Variants in NKAIN3 observed in about 807,000 individuals in gnomAD.
The protein encoded by NKAIN3 is sodium/potassium transporting ATPase interacting 3.
Under a neutral mutation model 30.2 loss-of-function variants are expected in NKAIN3, and 25 were observed. The observed-to-expected ratio is 0.83, with a 90% CI of 0.60 to 1.16. NKAIN3 has a LOEUF of 1.16. Ranked by LOEUF, NKAIN3 falls within the 50% of genes most tolerant of loss-of-function variation. NKAIN3 has a pLI of 0.00. For synonymous variants in NKAIN3, 91 were observed against 89.6 expected (o/e 1.02, Z -0.09); for missense variants, 225 against 254.1 (o/e 0.89, Z 0.78).
chr8:62,254,884 C>T (rs6983788), intron 1 of NKAIN3, among the ~76,000 whole-genome samples: 94,087 of 152,008 alleles, frequency 0.62, 29,252 homozygotes, highest in East Asian at 0.68. Context: ...TTAATACAGT[C>T]AACATGGATT....
intron 3 of NKAIN3, among the ~76,000 whole-genome samples, chr8:62,679,648 C>T (rs1285490850): frequency 6.6e-6 from 1 of 152,138 alleles, no homozygotes; most frequent in Admixed American, 6.5e-5. Context: ...GAAGCAGACA[C>T]ATCTTACATG....
At chr8:62,933,808 A>G (rs1822695634) in intron 5 of NKAIN3, among the ~76,000 whole-genome samples, 1 of 152,188 alleles carries the variant, frequency 6.6e-6, no homozygotes, top group African/African-American at 2.4e-5. Flanking sequence ...ATTTTTTCCA[A>G]TCTTATTTTC....
intron 4 of NKAIN3, among the ~76,000 whole-genome samples, chr8:62,758,161 G>A (rs1479144525): frequency 5.3e-5 from 8 of 151,908 alleles, no homozygotes; most frequent in Non-Finnish European, 7.4e-5. Context: ...TAAAATTCCT[G>A]AGAAACTTTG....
chr8:62,316,283 A>ATT (rs1196664429), intron 1 of NKAIN3, among the ~76,000 whole-genome samples: 2 of 151,370 alleles, frequency 1.3e-5, no homozygotes, highest in Non-Finnish European at 3.0e-5. Flanking sequence ...AGCATTTTGG[A>ATT]TTTTTTTTTA....
At chr8:62,933,415 AAATAAG>A (rs74274923) in intron 5 of NKAIN3, among the ~76,000 whole-genome samples, 13,661 of 152,226 alleles carry the variant, frequency 0.09, 632 homozygotes, top group South Asian at 0.15. Flanking sequence ...GGCTACACTT[AAATAAG>A]AATGATTAAA....
intron 1 of NKAIN3, among the ~76,000 whole-genome samples, chr8:62,535,161 C>CT (rs1220704178): frequency 6.6e-6 from 1 of 152,132 alleles, no homozygotes; most frequent in Non-Finnish European, 1.5e-5. Flanking sequence ...AATTCGTACA[C>CT]TATTTGTCTC....
At chr8:62,344,907 A>C (rs938778538) in intron 1 of NKAIN3, 15 of 399,442 alleles carry the variant, frequency 3.8e-5, no homozygotes, top group Non-Finnish European at 5.9e-5. Context: ...TAGCTTGGAA[A>C]TTTTAACAAT....
At chr8:62,897,052 GGAAA>G (rs1821449612) in intron 4 of NKAIN3, among the ~76,000 whole-genome samples, 1 of 152,162 alleles carries the variant, frequency 6.6e-6, no homozygotes, top group African/African-American at 2.4e-5. Context: ...GAAGCAGAAG[GGAAA>G]GAGTCTGTGC....
In NKAIN3 at chr8:62,968,137, T is replaced by C. The variant is rs1002859274; in HGVS notation, c.*2730T>C. On this transcript the variant is annotated 3_prime_UTR_variant, in exon 7 of 7. Transcript: ENST00000623646. ...TGCCACTCATCAGAAACAAGTTAGA[T>C]TGATCTGCCACCTCCTCTTCTCTCT... Among the ~76,000 whole-genome samples, 1 of 152,238 alleles carries C rather than the reference T, an allele frequency of 6.6e-6. No homozygotes were observed. Among genetic ancestry groups the C allele is most frequent in the Non-Finnish European group, 1.5e-5 (1 of 68,042 alleles).
intron 4 of NKAIN3, among the ~76,000 whole-genome samples, chr8:62,750,478 G>A (rs774175022): frequency 9.2e-5 from 14 of 152,160 alleles, no homozygotes; most frequent in Non-Finnish European, 2.1e-4. Context: ...GACGGGCGGG[G>A]TTCCTTACCA....
chr8:62,964,535 AGAGTGTGT>A (rs1247523850), intron 6 of NKAIN3, among the ~76,000 whole-genome samples: 5 of 100,000 alleles, frequency 5.0e-5, no homozygotes, highest in African/African-American at 1.4e-4. Flanking sequence ...AGAGAGAGAG[AGAGTGTGT>A]GTGTGTGTGT....
At chr8:62,586,677 T>C (rs963036261) in intron 2 of NKAIN3, among the ~76,000 whole-genome samples, 17 of 152,192 alleles carry the variant, frequency 1.1e-4, no homozygotes, top group African/African-American at 3.9e-4. Context: ...TATTATAAAC[T>C]AATTGCTTGA....
chr8:62,509,289 C>T (rs190811126), intron 1 of NKAIN3, among the ~76,000 whole-genome samples: 1 of 152,152 alleles, frequency 6.6e-6, no homozygotes, highest in East Asian at 1.9e-4. Context: ...CTATACTTTG[C>T]ACCCCAGATC....
chr8:62,503,019 G>A (rs1257741893), intron 1 of NKAIN3, among the ~76,000 whole-genome samples: 2 of 152,220 alleles, frequency 1.3e-5, no homozygotes, highest in African/African-American at 4.8e-5. Flanking sequence ...GAACCTGGCT[G>A]CACAGCAGGA....
chr8:62,815,289 G>T (rs1818639053), intron 4 of NKAIN3, among the ~76,000 whole-genome samples: 1 of 152,034 alleles, frequency 6.6e-6, no homozygotes. Context: ...TCTACCAGAG[G>T]TACAAGGAGG....
chr8:62,620,010 T>C (rs992377759), intron 3 of NKAIN3, among the ~76,000 whole-genome samples: 1 of 152,134 alleles, frequency 6.6e-6, no homozygotes, highest in Non-Finnish European at 1.5e-5. Flanking sequence ...GGAAACCACA[T>C]AAATTTATCT....
chr8:62,446,404 T>C (rs1183933491), intron 1 of NKAIN3, among the ~76,000 whole-genome samples: 1 of 152,140 alleles, frequency 6.6e-6, no homozygotes. Flanking sequence ...CAAAATTAAT[T>C]ATTAAGCCTT....
At chr8:62,960,028 G>C (rs759629051) in intron 6 of NKAIN3, among the ~76,000 whole-genome samples, 8 of 152,172 alleles carry the variant, frequency 5.3e-5, no homozygotes, top group Non-Finnish European at 1.0e-4. Context: ...TGCATCATAA[G>C]AATGGTTGTA....
intron 1 of NKAIN3, among the ~76,000 whole-genome samples, chr8:62,519,908 C>T (rs559826875): frequency 6.6e-6 from 1 of 152,224 alleles, no homozygotes; most frequent in South Asian, 2.1e-4. Flanking sequence ...CAGAGGCCTT[C>T]CTGGACCAGC....
Sources: gnomAD v4.1 joint callset for allele counts (sites outside exome capture counted in the v4.1 genomes callset) on GRCh38, gnomAD v4.1.1 for gene constraint, MANE v1.5 for transcripts, NCBI Gene and HGNC (gene_info 2026-07-23, HGNC 2026-07-21) for gene names.